ROBO2: variants seen among roughly 807,000 people sequenced by gnomAD.
ROBO2 encodes roundabout guidance receptor 2.
In ROBO2, 53 loss-of-function variants were observed where a neutral mutation model predicts 160.8. That is an observed-to-expected ratio of 0.33 (90% confidence interval 0.26 to 0.41). The LOEUF (loss-of-function observed/expected upper bound fraction) is 0.41, where lower values mean the gene tolerates loss of function less well. Ranked by LOEUF, ROBO2 falls within the 10% of genes least tolerant of loss-of-function variation. The pLI, the probability that ROBO2 is intolerant of heterozygous loss-of-function variation, is 1.00. For synonymous variants in ROBO2, 664 were observed against 611.7 expected (o/e 1.09, Z -1.26); for missense variants, 1,577 against 1,722.4 (o/e 0.92, Z 1.49).
At chr3:76,901,445 G>A (rs1208427916) in intron 2 of ROBO2, among the ~76,000 whole-genome samples, 3 of 151,326 alleles carry the variant, frequency 2.0e-5, no homozygotes, top group Admixed American at 6.6e-5. Context: ...GCTCATGCCT[G>A]TAATCCCAGC....
At chr3:77,553,828 A>G (rs77944520) in intron 8 of ROBO2, among the ~76,000 whole-genome samples, 3,394 of 152,038 alleles carry the variant, frequency 0.022, 124 homozygotes, top group African/African-American at 0.078. Flanking sequence ...TTTGAGGAAA[A>G]AAGCCATCTT....
chr3:77,470,836 G>A (rs1184236849), intron 2 of ROBO2, among the ~76,000 whole-genome samples: 1 of 152,158 alleles, frequency 6.6e-6, no homozygotes, highest in Non-Finnish European at 1.5e-5. Flanking sequence ...CTACTGAGAA[G>A]TTTGGATGTC....
rs536886942 is a variant in ROBO2 at position 76,651,650 on chromosome 3, A to C, written c.110-446364A>C. Among the ~76,000 whole-genome samples, 163 of 152,128 alleles carry C rather than the reference A, an allele frequency of 1.1e-3. 3 individuals are homozygous for C. The highest frequency in any genetic ancestry group is 3.8e-3 in the African/African-American group (158 of 41,504). ...AAGAATTGAAAAATTATGGGGAGAAAGTGAAAAACTACTTGAATAATTAAA... is the reference window on the plus strand; with the variant it reads ...AAGAATTGAAAAATTATGGGGAGAACGTGAAAAACTACTTGAATAATTAAA... On this transcript the variant is annotated intron_variant, in intron 2 of 26. Coordinates refer to the ROBO2 transcript ENST00000487694.
At position 77,511,125 on chromosome 3, in the gene ROBO2, A is replaced by G. The variant is rs150799993; in HGVS notation, c.807-11650A>G. Among the ~76,000 whole-genome samples the G allele has an allele frequency of 9.7e-3, 1,468 of 152,092 alleles. 14 individuals are homozygous for G. The highest frequency in any genetic ancestry group is 0.013 in the Non-Finnish European group (889 of 67,952). ...AAATGAAATACAAGAGAATGAGATG[A>G]CAGGAGAAGATGGAAACTTGGGCGA... On this transcript the variant is annotated intron_variant, in intron 5 of 25. Transcript: ENST00000461745.
intron 2 of ROBO2, among the ~76,000 whole-genome samples, chr3:77,164,223 G>T (rs1369737388): frequency 6.6e-6 from 1 of 152,164 alleles, no homozygotes; most frequent in Non-Finnish European, 1.5e-5. Flanking sequence ...ATAAAAAAGT[G>T]GTATGTGGCA....
chr3:77,293,347 A>G (rs573200076), intron 2 of ROBO2, among the ~76,000 whole-genome samples: 1 of 151,870 alleles, frequency 6.6e-6, no homozygotes, highest in East Asian at 2.0e-4. Flanking sequence ...AAAGACATAA[A>G]GTAAAATTGA....
intron 2 of ROBO2, among the ~76,000 whole-genome samples, chr3:77,124,218 T>C (rs891855011): frequency 2.0e-5 from 3 of 152,090 alleles, no homozygotes; most frequent in Non-Finnish European, 2.9e-5. Context: ...ATGAAAGATA[T>C]GAGTTAGAGG....
At chr3:76,111,160 G>A (rs1220291523) in intron 2 of ROBO2, among the ~76,000 whole-genome samples, 2 of 152,060 alleles carry the variant, frequency 1.3e-5, no homozygotes. Flanking sequence ...TATGACTGGT[G>A]TCATTATATT....
chr3:76,888,483 C>A (rs534001460), intron 2 of ROBO2, among the ~76,000 whole-genome samples: 2 of 152,262 alleles, frequency 1.3e-5, no homozygotes, highest in South Asian at 2.1e-4. Context: ...TAGATTTATT[C>A]TTGCCCATAT....
intron 2 of ROBO2, among the ~76,000 whole-genome samples, chr3:76,133,279 G>A (rs2071299041): frequency 6.6e-6 from 1 of 151,856 alleles, no homozygotes; most frequent in South Asian, 2.1e-4. Context: ...TCGTTTGTTT[G>A]GATTGTATTC....
intron 24 of ROBO2, among the ~76,000 whole-genome samples, chr3:77,639,707 T>C (rs915705347): frequency 6.6e-6 from 1 of 152,182 alleles, no homozygotes; most frequent in Non-Finnish European, 1.5e-5. Flanking sequence ...GCTACCATAA[T>C]GACATTGGCT....
chr3:77,164,406 C>T (rs1371822823), intron 2 of ROBO2, among the ~76,000 whole-genome samples: 1 of 92,844 alleles, frequency 1.1e-5, no homozygotes, highest in African/African-American at 2.9e-5. Context: ...CAGCCCCCCG[C>T]CCGGCCAGCC....
chr3:77,255,996 C>T (rs1313951445), intron 2 of ROBO2, among the ~76,000 whole-genome samples: 1 of 152,168 alleles, frequency 6.6e-6, no homozygotes, highest in Non-Finnish European at 1.5e-5. Context: ...CTGAGCATGA[C>T]ATCAGGAAAT....
chr3:77,014,169 G>T (rs946660384), intron 2 of ROBO2, among the ~76,000 whole-genome samples: 1 of 151,998 alleles, frequency 6.6e-6, no homozygotes, highest in Admixed American at 6.6e-5. Context: ...ATTTTAGAGC[G>T]TATAAACATA....
chr3:76,678,218 G>A (rs758676970), intron 2 of ROBO2, among the ~76,000 whole-genome samples: 6 of 151,892 alleles, frequency 4.0e-5, no homozygotes, highest in East Asian at 1.9e-4. Context: ...TGATCTGACC[G>A]CCTCGACTTC....
chr3:76,716,456 C>A (rs1301562993), intron 2 of ROBO2, among the ~76,000 whole-genome samples: 1 of 152,170 alleles, frequency 6.6e-6, no homozygotes, highest in African/African-American at 2.4e-5. Flanking sequence ...ATTAAAAAAT[C>A]TCTGCCCTTA....
chr3:77,247,156 C>G lies in ROBO2; in HGVS notation c.388+148816C>G, dbSNP rs142608260. Among the ~76,000 whole-genome samples the G allele has an allele frequency of 1.5e-3, 225 of 152,248 alleles. 1 individual carries two copies. Among genetic ancestry groups the G allele is most frequent in the Non-Finnish European group, 2.1e-3 (142 of 68,012 alleles). On this transcript the variant is annotated intron_variant, in intron 2 of 25. Transcript: ENST00000461745. ...AGACTGAATTCTTTAGTCCATGTCTCGAGTTTTAAGTTTTCCATGCTAAGA... is the reference window on the plus strand; with the variant it reads ...AGACTGAATTCTTTAGTCCATGTCTGGAGTTTTAAGTTTTCCATGCTAAGA...
chr3:76,485,114 G>A lies in ROBO2; in HGVS notation c.109+547512G>A, dbSNP rs565630033. ...GGGATGGTTTCAGGATGAATCAAGC[G>A]CATTATATTCATTGTGCACTTTATT... is the stretch of plus-strand genomic sequence containing the variant. On this transcript the variant is annotated intron_variant, in intron 2 of 26. Transcript: ENST00000487694. 3.5e-4 allele frequency among the ~76,000 whole-genome samples: 53 copies of A among 152,084 alleles called. 1 individual carries two copies. The highest frequency in any genetic ancestry group is 7.6e-4 in the Non-Finnish European group (52 of 67,978).
intron 2 of ROBO2, among the ~76,000 whole-genome samples, chr3:76,308,106 T>C (rs2071406918): frequency 6.6e-6 from 1 of 152,026 alleles, no homozygotes; most frequent in Admixed American, 6.5e-5. Flanking sequence ...TGGCTGGGCA[T>C]GGTGGCTCAC....
Sources: allele counts gnomAD v4.1 joint callset (sites outside exome capture counted in the v4.1 genomes callset), GRCh38; gene constraint gnomAD v4.1.1; transcripts MANE v1.5; gene names NCBI Gene and HGNC (gene_info 2026-07-23, HGNC 2026-07-21).